SLC24A2: variants seen among roughly 807,000 people sequenced by gnomAD.
SLC24A2 encodes the protein solute carrier family 24 member 2.
SLC24A2 carries 36 observed loss-of-function variants against 62.0 expected under a neutral mutation model. That is an observed-to-expected ratio of 0.58 (90% CI 0.44 to 0.77). The LOEUF (loss-of-function observed/expected upper bound fraction) is 0.77. Ranked by LOEUF, SLC24A2 falls within the 30% of genes least tolerant of loss-of-function variation. SLC24A2 has a pLI of 0.00. For synonymous variants in SLC24A2, 358 were observed against 294.0 expected (o/e 1.22, Z -2.23); for missense variants, 846 against 817.9 (o/e 1.03, Z -0.42).
At chr9:19,534,079 C>G (rs539780364) in intron 8 of SLC24A2, among the ~76,000 whole-genome samples, 1 of 152,280 alleles carries the variant, frequency 6.6e-6, no homozygotes, top group South Asian at 2.1e-4. Flanking sequence ...ATCCAGAAAC[C>G]TTCTGACCAT....
chr9:19,603,071 T>C (rs1444709290), intron 4 of SLC24A2, among the ~76,000 whole-genome samples: 1 of 152,160 alleles, frequency 6.6e-6, no homozygotes, highest in Admixed American at 6.5e-5. Flanking sequence ...ATAGAATATC[T>C]GAAACCATCC....
chr9:19,730,988 C>T (rs1380119461), intron 2 of SLC24A2, among the ~76,000 whole-genome samples: 1 of 151,966 alleles, frequency 6.6e-6, no homozygotes, highest in Non-Finnish European at 1.5e-5. Flanking sequence ...GTTCATTTTG[C>T]TTCATAGTCC....
At chr9:20,193,424 C>T in the SLC24A2 span, among the ~76,000 whole-genome samples, 1 of 151,938 alleles carries the variant, frequency 6.6e-6, no homozygotes, top group Non-Finnish European at 1.5e-5. Flanking sequence ...AACTTGAAAG[C>T]TCACACCACC....
the SLC24A2 span, among the ~76,000 whole-genome samples, chr9:19,984,134 G>A: frequency 6.6e-6 from 1 of 152,282 alleles, no homozygotes; most frequent in East Asian, 1.9e-4. Flanking sequence ...GTAAGTTGCA[G>A]AGCATCTGTA....
intron 9 of SLC24A2, among the ~76,000 whole-genome samples, chr9:19,526,917 C>T (rs1170539252): frequency 2.0e-5 from 3 of 152,080 alleles, no homozygotes; most frequent in South Asian, 4.1e-4. Flanking sequence ...AACTCTTTGC[C>T]TGGCTTATGG....
At chr9:19,590,487 C>G (rs1387102379) in intron 5 of SLC24A2, among the ~76,000 whole-genome samples, 1 of 152,182 alleles carries the variant, frequency 6.6e-6, no homozygotes, top group African/African-American at 2.4e-5. Flanking sequence ...CCTGCCCTTC[C>G]TTATTACTTC....
intron 2 of SLC24A2, among the ~76,000 whole-genome samples, chr9:19,730,213 A>C (rs1274983287): frequency 6.6e-6 from 1 of 152,130 alleles, no homozygotes; most frequent in Non-Finnish European, 1.5e-5. Context: ...TTAATGTAGA[A>C]TGAGTCTTTG....
chr9:19,886,579 G>A, the SLC24A2 span, among the ~76,000 whole-genome samples: 1 of 152,208 alleles, frequency 6.6e-6, no homozygotes, highest in African/African-American at 2.4e-5. Flanking sequence ...AGGTTGTAGA[G>A]AAATAGGAAC....
upstream of SLC24A2, among the ~76,000 whole-genome samples, chr9:19,792,708 CA>C (rs143758432): frequency 3.7e-4 from 55 of 148,312 alleles, no homozygotes; most frequent in South Asian, 8.4e-3. Flanking sequence ...AACTCCATCT[CA>C]AAAAAAAAAG....
At chr9:20,116,892 G>A in the SLC24A2 span, among the ~76,000 whole-genome samples, 1 of 152,118 alleles carries the variant, frequency 6.6e-6, no homozygotes, top group African/African-American at 2.4e-5. Context: ...AGAAACAAAA[G>A]CAGCCACAGT....
At chr9:20,139,536 T>C in the SLC24A2 span, among the ~76,000 whole-genome samples, 1 of 152,210 alleles carries the variant, frequency 6.6e-6, no homozygotes. Flanking sequence ...CCAAAGCACT[T>C]GATTCAAGAT....
At chr9:20,106,097 G>A in the SLC24A2 span, among the ~76,000 whole-genome samples, 1 of 152,190 alleles carries the variant, frequency 6.6e-6, no homozygotes, top group Non-Finnish European at 1.5e-5. Context: ...AGAAAATCTA[G>A]AAGAAATGGA....
chr9:19,649,125 A>C (rs186808979), intron 2 of SLC24A2, among the ~76,000 whole-genome samples: 14 of 152,272 alleles, frequency 9.2e-5, no homozygotes, highest in Admixed American at 9.2e-4. Flanking sequence ...AAAAACTAAA[A>C]ACAAATCAGT....
the SLC24A2 span, among the ~76,000 whole-genome samples, chr9:19,856,204 A>T: frequency 6.6e-6 from 1 of 152,142 alleles, no homozygotes; most frequent in Non-Finnish European, 1.5e-5. Context: ...CATGGTTCTT[A>T]GCTTCTTTGC....
intron 7 of SLC24A2, among the ~76,000 whole-genome samples, chr9:19,556,967 T>C (rs1436884749): frequency 2.0e-5 from 3 of 152,162 alleles, no homozygotes; most frequent in Non-Finnish European, 2.9e-5. Flanking sequence ...TCTGCAGTCA[T>C]TTAGGAGCTT....
the SLC24A2 span, among the ~76,000 whole-genome samples, chr9:20,159,159 A>G: frequency 6.6e-6 from 1 of 151,678 alleles, no homozygotes; most frequent in Non-Finnish European, 1.5e-5. Flanking sequence ...AGAATCGACT[A>G]TATAAAAAAA....
intron 2 of SLC24A2, among the ~76,000 whole-genome samples, chr9:19,710,330 C>A (rs1820676999): frequency 1.3e-5 from 2 of 152,086 alleles, no homozygotes; most frequent in Admixed American, 1.3e-4. Context: ...AACACAATTA[C>A]CTGCAGTGTC....
chr9:20,000,338 A>C, the SLC24A2 span, among the ~76,000 whole-genome samples: 1 of 152,226 alleles, frequency 6.6e-6, no homozygotes, highest in African/African-American at 2.4e-5. Context: ...GTATGCAGCT[A>C]GTTAGTAGCA....
the SLC24A2 span, among the ~76,000 whole-genome samples, chr9:20,272,398 G>A: frequency 1.3e-5 from 2 of 152,154 alleles, no homozygotes; most frequent in South Asian, 4.1e-4. Context: ...ATCCTGACAA[G>A]TATGTTTAGC....
Sources: allele counts gnomAD v4.1 joint callset (sites outside exome capture counted in the v4.1 genomes callset), GRCh38; gene constraint gnomAD v4.1.1; transcripts MANE v1.5; gene names NCBI Gene and HGNC (gene_info 2026-07-23, HGNC 2026-07-21).